Variants in CAMTA1 observed in about 807,000 individuals in gnomAD.
CAMTA1 encodes the protein calmodulin binding transcription activator 1, also known as calmodulin-binding transcription activator 1.
A neutral mutation model predicts 170.9 loss-of-function variants in CAMTA1; 27 were observed. The observed-to-expected ratio is 0.16, with a 90% CI of 0.12 to 0.22. The LOEUF is 0.22. Ranked by LOEUF, CAMTA1 falls within the 10% of genes least tolerant of loss-of-function variation. The pLI, the probability that CAMTA1 is intolerant of heterozygous loss-of-function variation, is 1.00. For synonymous variants in CAMTA1, 833 were observed against 891.5 expected (o/e 0.93, Z 1.17); for missense variants, 1,619 against 2,217.2 (o/e 0.73, Z 5.42).
Position 7,234,235 on chromosome 1 carries a change from G to C in CAMTA1, c.303-15256G>C, listed in dbSNP as rs181632260. 7.2e-5 allele frequency among the ~76,000 whole-genome samples: 11 copies of C among 152,202 alleles called. No homozygotes were observed. The highest frequency in any genetic ancestry group is 7.2e-4 in the Admixed American group (11 of 15,286). On this transcript the variant is annotated intron_variant, in intron 4 of 22. Transcript: ENST00000303635. The surrounding 1 kb of genome is among the most constrained non-coding windows in gnomAD (Gnocchi z 5.0). ...TGCCAAGCTTCCTCTCCAAACCTGGGCCTCGCCACGCTCTCTACCGAAAGC... is the reference window on the plus strand; with the variant it reads ...TGCCAAGCTTCCTCTCCAAACCTGGCCCTCGCCACGCTCTCTACCGAAAGC...
At chr1:7,204,431 GA>G (rs1657295992) in intron 4 of CAMTA1, among the ~76,000 whole-genome samples, 1 of 152,106 alleles carries the variant, frequency 6.6e-6, no homozygotes, top group Admixed American at 6.5e-5. Flanking sequence ...GATTATGTAA[GA>G]ATGTGTTGTT....
intron 4 of CAMTA1, among the ~76,000 whole-genome samples, chr1:7,166,895 C>A (rs1250991013): frequency 6.6e-6 from 1 of 151,624 alleles, no homozygotes; most frequent in Non-Finnish European, 1.5e-5. Context: ...ACTGAAACCT[C>A]CACCTTCTGG....
At chr1:6,797,339 G>C (rs1035365885) in intron 1 of CAMTA1, among the ~76,000 whole-genome samples, 1 of 150,288 alleles carries the variant, frequency 6.7e-6, no homozygotes, top group Non-Finnish European at 1.5e-5. Context: ...GGGATGACAA[G>C]CATGAACCAC....
intron 4 of CAMTA1, among the ~76,000 whole-genome samples, chr1:7,231,234 G>A (rs183305047): frequency 3.7e-3 from 569 of 152,276 alleles, no homozygotes; most frequent in African/African-American, 0.013. Context: ...CTGAGGAGGA[G>A]GATAGCAGGA....
intron 4 of CAMTA1, among the ~76,000 whole-genome samples, chr1:7,197,970 T>C (rs1294845609): frequency 6.6e-6 from 1 of 151,974 alleles, no homozygotes; most frequent in Non-Finnish European, 1.5e-5. Flanking sequence ...CAGAGCTGGA[T>C]GCAGTTTCCA....
intron 5 of CAMTA1, among the ~76,000 whole-genome samples, chr1:7,369,662 G>A (rs2086283997): frequency 6.6e-6 from 1 of 152,050 alleles, no homozygotes; most frequent in African/African-American, 2.4e-5. Context: ...AGCTCGCTGG[G>A]CCTTGGTGCC....
intron 4 of CAMTA1, among the ~76,000 whole-genome samples, chr1:7,223,690 G>A (rs1370777629): frequency 1.3e-5 from 2 of 152,132 alleles, no homozygotes; most frequent in East Asian, 1.9e-4. Flanking sequence ...ATACTTGTCC[G>A]ATGAATTCAT....
chr1:7,440,140 C>T (rs983308282), intron 5 of CAMTA1, among the ~76,000 whole-genome samples: 3 of 152,270 alleles, frequency 2.0e-5, no homozygotes, highest in Admixed American at 6.5e-5. Flanking sequence ...GGCGAGAGGG[C>T]AGGCTAGGGA....
At chr1:7,131,784 G>C (rs78846718) in intron 4 of CAMTA1, among the ~76,000 whole-genome samples, 386 of 152,194 alleles carry the variant, frequency 2.5e-3, no homozygotes, top group African/African-American at 9.1e-3. Flanking sequence ...GGCCGGGCTT[G>C]GTGGCTCACG....
intron 5 of CAMTA1, among the ~76,000 whole-genome samples, chr1:7,258,753 G>A (rs1403021428): frequency 6.6e-6 from 1 of 152,158 alleles, no homozygotes; most frequent in Non-Finnish European, 1.5e-5. Context: ...GCTGGGGAAC[G>A]TTGCTGGGGA....
intron 3 of CAMTA1, among the ~76,000 whole-genome samples, chr1:6,962,743 A>C (rs1572062478): frequency 5.7e-5 from 6 of 105,498 alleles, no homozygotes; most frequent in Admixed American, 2.1e-4. Context: ...CCCATCCTCC[A>C]TCCCTTTTCG....
chr1:7,760,150 T>A (rs939467450), intron 22 of CAMTA1, among the ~76,000 whole-genome samples: 1 of 152,198 alleles, frequency 6.6e-6, no homozygotes, highest in Non-Finnish European at 1.5e-5. Context: ...AAACCTTAAT[T>A]GGAGGAAGAA....
chr1:7,328,358 G>A (rs965025188), intron 5 of CAMTA1, among the ~76,000 whole-genome samples: 3 of 60,398 alleles, frequency 5.0e-5, no homozygotes, highest in African/African-American at 4.4e-4. Context: ...TGCTCCTGTA[G>A]TGGTTATGCT....
At chr1:7,477,538 T>G (rs370098901) in intron 6 of CAMTA1, among the ~76,000 whole-genome samples, 3 of 152,206 alleles carry the variant, frequency 2.0e-5, no homozygotes, top group African/African-American at 7.2e-5. Flanking sequence ...TTTGCCTGAT[T>G]GCAGTTTACG....
At chr1:7,289,566 C>T (rs1445620954) in intron 5 of CAMTA1, among the ~76,000 whole-genome samples, 1 of 152,158 alleles carries the variant, frequency 6.6e-6, no homozygotes, top group Non-Finnish European at 1.5e-5. Flanking sequence ...AGTATCCTCC[C>T]AAAAGGCATG....
intron 5 of CAMTA1, among the ~76,000 whole-genome samples, chr1:7,410,892 GGCGTCTGT>G (rs1034165325): frequency 2.9e-4 from 31 of 107,398 alleles, no homozygotes; most frequent in African/African-American, 1.2e-3. Flanking sequence ...ATGGAGGGTG[GGCGTCTGT>G]GTGTGTGTGT....
intron 3 of CAMTA1, among the ~76,000 whole-genome samples, chr1:6,945,115 G>A (rs116702853): frequency 3.7e-4 from 56 of 152,286 alleles, no homozygotes; most frequent in African/African-American, 1.3e-3. Flanking sequence ...ACCTAGAGCA[G>A]TATTTGGCAT....
intron 6 of CAMTA1, among the ~76,000 whole-genome samples, chr1:7,507,171 G>A (rs886717636): frequency 2.6e-5 from 4 of 150,968 alleles, no homozygotes; most frequent in East Asian, 1.9e-4. Context: ...CAACACACAC[G>A]CTCACACTCA....
chr1:7,562,636 G>C lies in CAMTA1; in HGVS notation c.511-77764G>C, dbSNP rs116080917. On this transcript the variant is annotated intron_variant, in intron 6 of 22. Transcript: ENST00000303635. The surrounding 1 kb of genome is among the most constrained non-coding windows in gnomAD (Gnocchi z 4.8). ...TTTTTCGGAGATGTCACCCACAACC[G>C]TCCGAAGAGATACCCAAATTGTACG... 3.3e-5 allele frequency among the ~76,000 whole-genome samples: 5 copies of C among 152,176 alleles called. No individual in the cohort carries two copies. Among genetic ancestry groups the C allele is most frequent in the Non-Finnish European group, 5.9e-5 (4 of 68,016 alleles).
Sources: gnomAD v4.1 joint callset for allele counts (sites outside exome capture counted in the v4.1 genomes callset) on GRCh38, gnomAD v4.1.1 for gene constraint, Gnocchi (gnomAD v3.1) non-coding constraint, MANE v1.5 for transcripts, NCBI Gene and HGNC (gene_info 2026-07-23, HGNC 2026-07-21) for gene names.